Variants in PDCD1LG2 observed in about 807,000 individuals in gnomAD.
The protein encoded by PDCD1LG2 is B7 dendritic cell molecule.
In PDCD1LG2, 32 loss-of-function variants were observed where a neutral mutation model predicts 28.2. The observed-to-expected ratio is 1.13, with a 90% CI of 0.86 to 1.52. The LOEUF is 1.52. Among genes scored for constraint, PDCD1LG2 ranks in the 40% most tolerant of loss-of-function variants. The probability of loss-of-function intolerance (pLI) is 0.00; values close to 1 mark genes in which losing one functional copy is unlikely to be tolerated. For missense variants in PDCD1LG2, 385 were observed against 323.8 expected (o/e 1.19, Z -1.45); for synonymous variants, 116 against 120.2 (o/e 0.97, Z 0.23).
intron 3 of PDCD1LG2, among the ~76,000 whole-genome samples, chr9:5,539,101 A>T (rs1199732306): frequency 6.6e-6 from 1 of 152,232 alleles, no homozygotes; most frequent in African/African-American, 2.4e-5. Context: ...ACCTTTGGAT[A>T]CATATGTAAG....
chr9:5,515,173 C>T (rs781364665), intron 1 of PDCD1LG2, among the ~76,000 whole-genome samples: 11 of 152,200 alleles, frequency 7.2e-5, no homozygotes, highest in Non-Finnish European at 1.5e-4. Context: ...TATTAGAGAA[C>T]GTGTTGATTT....
intron 1 of PDCD1LG2, among the ~76,000 whole-genome samples, chr9:5,516,199 C>T (rs1400942061): frequency 6.6e-6 from 1 of 151,984 alleles, no homozygotes; most frequent in East Asian, 2.0e-4. Flanking sequence ...TTACAGACAC[C>T]CACCACTACA....
intron 1 of PDCD1LG2, among the ~76,000 whole-genome samples, chr9:5,512,035 A>G (rs1250416485): frequency 1.3e-5 from 2 of 152,030 alleles, no homozygotes; most frequent in African/African-American, 4.8e-5. Context: ...GGACAGGGGG[A>G]AGTTTGAGGT....
intron 3 of PDCD1LG2, among the ~76,000 whole-genome samples, chr9:5,543,522 G>C (rs986546019): frequency 3.0e-5 from 4 of 134,356 alleles, no homozygotes; most frequent in African/African-American, 8.7e-5. Context: ...CTGGGCGACA[G>C]AGCGAGACTC....
At chr9:5,544,244 G>C (rs1480784067) in intron 3 of PDCD1LG2, among the ~76,000 whole-genome samples, 1 of 152,136 alleles carries the variant, frequency 6.6e-6, no homozygotes, top group Non-Finnish European at 1.5e-5. Context: ...AGAGAACAGG[G>C]AAGCAATTCA....
At chr9:5,515,859 G>A (rs1165508744) in intron 1 of PDCD1LG2, among the ~76,000 whole-genome samples, 2 of 129,346 alleles carry the variant, frequency 1.5e-5, no homozygotes, top group Admixed American at 1.7e-4. Flanking sequence ...GGAGGCGGAG[G>A]ATGCAGTGAG....
Position 5,562,072 on chromosome 9 carries a change from A to G in PDCD1LG2, c.767-1090A>G, listed in dbSNP as rs562045762. ...GGGAATTACTAAAAACCTGGTATAT[A>G]GGGCAAAAGCAGAATTAGGAATGGA... is the stretch of plus-strand genomic sequence containing the variant. On this transcript the variant is annotated intron_variant, in intron 5 of 6. Coordinates refer to ENST00000397747, the MANE Select transcript of PDCD1LG2 (RefSeq NM_025239.4). Among the ~76,000 whole-genome samples the G allele has an allele frequency of 9.2e-5, 14 of 152,344 alleles. No individual in the cohort carries two copies. The South Asian group carries it at 2.9e-3, about 32-fold the overall frequency.
chr9:5,547,433 ATT>A (rs1256588071), intron 3 of PDCD1LG2, among the ~76,000 whole-genome samples: 1 of 152,086 alleles, frequency 6.6e-6, no homozygotes, highest in African/African-American at 2.4e-5. Context: ...TGGTATTGAT[ATT>A]TGTTTATTTT....
chr9:5,521,398 C>A (rs1207182914), intron 1 of PDCD1LG2, among the ~76,000 whole-genome samples: 4 of 152,098 alleles, frequency 2.6e-5, no homozygotes, highest in Non-Finnish European at 5.9e-5. Context: ...ACACATATAA[C>A]CCTCTTTCGT....
chr9:5,531,666 C>T (rs1820486876), intron 2 of PDCD1LG2, among the ~76,000 whole-genome samples: 3 of 152,102 alleles, frequency 2.0e-5, no homozygotes, highest in Non-Finnish European at 2.9e-5. Context: ...AAGTTATAGG[C>T]GTTCCCTTTC....
chr9:5,537,722 A>C (rs1043153863), intron 3 of PDCD1LG2, among the ~76,000 whole-genome samples: 7 of 152,140 alleles, frequency 4.6e-5, no homozygotes, highest in Non-Finnish European at 1.0e-4. Context: ...CACACTGGGG[A>C]CTGTTGTGTG....
intron 5 of PDCD1LG2, among the ~76,000 whole-genome samples, chr9:5,561,624 C>A (rs990140511): frequency 6.6e-6 from 1 of 152,168 alleles, no homozygotes; most frequent in African/African-American, 2.4e-5. Context: ...ATGGCAAAGT[C>A]AAGTTAGAAT....
In PDCD1LG2 at chr9:5,530,982, C is replaced by T. The variant is rs1376993149; in HGVS notation, c.56-3763C>T. ...ACTTTGAAGGCAAGGTGGTAAAAGA[C>T]GCTTGCACGTGCAAATGTTACTTTG... On this transcript the variant is annotated intron_variant, in intron 2 of 6. Transcript: ENST00000397747. 6.6e-5 allele frequency among the ~76,000 whole-genome samples: 10 copies of T among 152,332 alleles called. No individual in the cohort carries two copies. The East Asian group carries it at 1.5e-3, about 23-fold the overall frequency.
intron 4 of PDCD1LG2, 84 bp from the exon 5 acceptor site, chr9:5,557,534 G>A (rs981501636): frequency 2.7e-6 from 4 of 1,491,504 alleles, no homozygotes; most frequent in African/African-American, 1.4e-5. Context: ...AGCCGTGTTG[G>A]CTGTCACCCA....
rs145634667 is a variant in PDCD1LG2 at position 5,545,911 on chromosome 9, G to A, written c.362-3424G>A. ...TTTTTCATTGAGCAATAAGTCAGAT[G>A]ACTTGAATTTTTGGAGTACTTCCGC... On this transcript the variant is annotated intron_variant, in intron 3 of 6. Coordinates refer to ENST00000397747, the MANE Select transcript of PDCD1LG2 (RefSeq NM_025239.4). Among the ~76,000 whole-genome samples, 668 of 152,246 alleles carry A rather than the reference G, an allele frequency of 4.4e-3. 3 individuals carry two copies. Among genetic ancestry groups the A allele is most frequent in the Middle Eastern group, 0.01 (3 of 294 alleles).
intron 3 of PDCD1LG2, among the ~76,000 whole-genome samples, chr9:5,542,453 T>C (rs1820705181): frequency 1.3e-5 from 2 of 152,094 alleles, no homozygotes; most frequent in African/African-American, 4.8e-5. Context: ...AAAGGACTAA[T>C]ATCCAGAATC....
At chr9:5,562,602 A>G (rs1411407698) in intron 5 of PDCD1LG2, among the ~76,000 whole-genome samples, 3 of 151,498 alleles carry the variant, frequency 2.0e-5, no homozygotes, top group Non-Finnish European at 2.9e-5. Flanking sequence ...CAATTCATCC[A>G]TGTAACCAAA....
intron 1 of PDCD1LG2, among the ~76,000 whole-genome samples, chr9:5,516,400 C>G (rs1448860355): frequency 6.6e-6 from 1 of 152,058 alleles, no homozygotes; most frequent in Non-Finnish European, 1.5e-5. Flanking sequence ...TGCTGATTGG[C>G]CCATGGGCAG....
At chr9:5,551,569 G>C (rs1816334494) in intron 4 of PDCD1LG2, among the ~76,000 whole-genome samples, 1 of 152,204 alleles carries the variant, frequency 6.6e-6, no homozygotes. Flanking sequence ...ACGCCCATTG[G>C]TTGACAGGAA....
Sources: gnomAD v4.1 joint callset for allele counts (sites outside exome capture counted in the v4.1 genomes callset) on GRCh38, gnomAD v4.1.1 for gene constraint, MANE v1.5 for transcripts, NCBI Gene and HGNC (gene_info 2026-07-23, HGNC 2026-07-21) for gene names.